Variants in ENC1 observed in about 807,000 individuals in gnomAD.
ENC1 encodes the protein ectodermal-neural cortex 1.
Under a neutral mutation model 40.9 loss-of-function variants are expected in ENC1, and 19 were observed. The observed-to-expected ratio is 0.46, with a 90% CI of 0.32 to 0.68. The LOEUF is 0.68. Among genes scored for constraint, ENC1 ranks in the 30% least tolerant of loss-of-function variants. ENC1 has a pLI of 0.03. For synonymous variants in ENC1, 285 were observed against 291.1 expected, an observed-to-expected ratio of 0.98 and a Z score of 0.21; for missense variants, 479 against 737.5, an observed-to-expected ratio of 0.65 and a Z score of 4.06.
chr5:74,634,974 A>G lies in ENC1; in HGVS notation c.1512T>C (p.Ser504=), dbSNP rs1287390191. 1 of 1,614,166 alleles carries G rather than the reference A, an allele frequency of 6.2e-7. No homozygotes were observed. The highest frequency in any genetic ancestry group is 1.1e-5 in the South Asian group (1 of 91,086). The change falls in exon 2 of 3, where the codon TCT becomes TCC. Residue 504 remains serine (S), a synonymous_variant. Coordinates refer to ENST00000302351, the MANE Select transcript of ENC1 (RefSeq NM_003633.4). ...IFIMGGDTEF[S]ACSAYKFNSE... is the part of the protein sequence containing the mutation. The stretch of plus-strand genomic sequence containing the variant: ...TGTTGAATTTATAAGCAGAGCAGGC[A>G]GAGAATTCTGTATCACCCCCCATAA...
intron 1 of ENC1, among the ~76,000 whole-genome samples, chr5:74,639,754 T>C (rs1265663063): frequency 6.6e-6 from 1 of 152,146 alleles, no homozygotes; most frequent in Admixed American, 6.5e-5. Flanking sequence ...CCAATTCCTA[T>C]CCTTTGTAAC....
chr5:74,638,366 G>A (rs547058242), intron 1 of ENC1, among the ~76,000 whole-genome samples: 63 of 152,282 alleles, frequency 4.1e-4, no homozygotes, highest in African/African-American at 1.5e-3. Flanking sequence ...ATACCATTAG[G>A]TGATGCAACT....
intron 2 of ENC1, among the ~76,000 whole-genome samples, chr5:74,631,181 C>T (rs1213962263): frequency 3.3e-5 from 5 of 150,120 alleles, no homozygotes; most frequent in Non-Finnish European, 7.4e-5. Context: ...AAAAAGGACA[C>T]ACAACAACAA....
chr5:74,637,937 CAT>C (rs1437612824), intron 1 of ENC1, among the ~76,000 whole-genome samples: 1 of 152,170 alleles, frequency 6.6e-6, no homozygotes, highest in Admixed American at 6.5e-5. Context: ...AGGGTAGAGA[CAT>C]AGGAAATGCT....
chr5:74,639,629 T>C (rs1050443782), intron 1 of ENC1, among the ~76,000 whole-genome samples: 6 of 152,352 alleles, frequency 3.9e-5, no homozygotes, highest in African/African-American at 1.4e-4. Flanking sequence ...TTAACAAAAG[T>C]AGCTTCTTGC....
intron 2 of ENC1, among the ~76,000 whole-genome samples, chr5:74,633,530 A>G (rs1747463118): frequency 6.6e-6 from 1 of 152,262 alleles, no homozygotes; most frequent in Non-Finnish European, 1.5e-5. Flanking sequence ...AACGCCTTAA[A>G]GGGGGCTACT....
Position 74,636,709 on chromosome 5 carries a change from T to G in ENC1, c.-13-211A>C, listed in dbSNP as rs379146. Among the ~76,000 whole-genome samples, 65,269 of 151,192 alleles carry G rather than the reference T, an allele frequency of 0.43. 14,814 individuals are homozygous for G. The highest frequency in any genetic ancestry group is 0.51 in the Non-Finnish European group (34,768 of 67,916). On this transcript the variant is annotated intron_variant, in intron 1 of 2. Transcript: ENST00000302351. The surrounding 1 kb of genome is among the most constrained non-coding windows in gnomAD (Gnocchi z 4.8). The stretch of plus-strand genomic sequence containing the variant: ...TTCACTGCTAATACTGTTGAGCTAT[T>G]TGAACTCTGCACTGTTTAAAAAAAA...
rs773591897 is a variant in ENC1, at chr5:74,635,752, T to C, written c.734A>G (p.Tyr245Cys). The C allele has an allele frequency of 1.9e-6, 3 of 1,614,130 alleles. No individual in the cohort carries two copies. Among genetic ancestry groups the C allele is most frequent in the Admixed American group, 1.7e-5 (1 of 60,024 alleles). ...CTCCATGGCCACATTCTCCATGAGA[T>C]AGATGGCTGGCAGAAGTGCCAGCCT... is the stretch of plus-strand genomic sequence containing the variant. ...TVRLALLPAI[Y>C]LMENVAMEEL... The change falls in exon 2 of 3, where the codon TAT becomes TGT. Residue 245 changes from tyrosine to cysteine, a missense_variant. Transcript: ENST00000302351. This position sits in a 1 kb window ranked among gnomAD's most constrained non-coding sequence, Gnocchi z 5.5.
chr5:74,638,510 C>A (rs1278199916), intron 1 of ENC1, among the ~76,000 whole-genome samples: 1 of 152,124 alleles, frequency 6.6e-6, no homozygotes, highest in Non-Finnish European at 1.5e-5. Flanking sequence ...TCCACAGTGA[C>A]TTGAGATATA....
chr5:74,630,269 C>T (rs1747349080), intron 2 of ENC1, among the ~76,000 whole-genome samples: 1 of 152,184 alleles, frequency 6.6e-6, no homozygotes, highest in South Asian at 2.1e-4. Flanking sequence ...GAAGGACCTT[C>T]ACTTCTTTCC....
chr5:74,631,396 T>TA (rs1483878000), intron 2 of ENC1, among the ~76,000 whole-genome samples: 1 of 152,232 alleles, frequency 6.6e-6, no homozygotes, highest in Non-Finnish European at 1.5e-5. Flanking sequence ...AACACTCTAT[T>TA]AATTCCGTTA....
At chr5:74,637,527 T>A (rs1383266914) in intron 1 of ENC1, 1 of 152,196 alleles carries the variant, frequency 6.6e-6, no homozygotes, top group Non-Finnish European at 1.5e-5. Flanking sequence ...AATGTGAGGA[T>A]TTGGCACATA....
intron 2 of ENC1, among the ~76,000 whole-genome samples, chr5:74,633,209 G>C (rs1211745567): frequency 6.6e-6 from 1 of 152,144 alleles, no homozygotes; most frequent in Non-Finnish European, 1.5e-5. Flanking sequence ...GCGATTCCTG[G>C]GGCCAATCCT....
intron 1 of ENC1, among the ~76,000 whole-genome samples, chr5:74,639,833 A>T (rs1015302384): frequency 2.6e-5 from 4 of 152,228 alleles, no homozygotes; most frequent in Non-Finnish European, 2.9e-5. Flanking sequence ...TTCTCTATAG[A>T]CATTTCCGCC....
chr5:74,630,162 G>A (rs765724715), intron 2 of ENC1, among the ~76,000 whole-genome samples, 170 bp from the exon 3 acceptor site: 1 of 152,182 alleles, frequency 6.6e-6, no homozygotes, highest in Admixed American at 6.5e-5. Context: ...AGTAGGAACT[G>A]TGCAAAGATA....
intron 2 of ENC1, among the ~76,000 whole-genome samples, chr5:74,633,894 C>T (rs918646698): frequency 2.0e-5 from 3 of 152,124 alleles, no homozygotes; most frequent in African/African-American, 4.8e-5. Context: ...TAATTCCCCA[C>T]GGGGTTGTTG....
At chr5:74,634,257 C>CA (rs1313660045) in intron 2 of ENC1, among the ~76,000 whole-genome samples, 1 of 151,994 alleles carries the variant, frequency 6.6e-6, no homozygotes, top group Admixed American at 6.6e-5. Context: ...ACTAAAAATA[C>CA]AAAAAATTAG....
intron 1 of ENC1, among the ~76,000 whole-genome samples, chr5:74,639,023 CTG>C (rs1453580016): frequency 3.3e-5 from 5 of 152,250 alleles, no homozygotes; most frequent in Admixed American, 3.3e-4. Flanking sequence ...TCTCCGCATC[CTG>C]TGTTTATGCT....
chr5:74,633,889 C>T (rs1422693919), intron 2 of ENC1, among the ~76,000 whole-genome samples: 1 of 152,158 alleles, frequency 6.6e-6, no homozygotes, highest in Non-Finnish European at 1.5e-5. Context: ...AGTAATAATT[C>T]CCCACGGGGT....
Sources: gnomAD v4.1 joint callset for allele counts (sites outside exome capture counted in the v4.1 genomes callset) on GRCh38, gnomAD v4.1.1 for gene constraint, Gnocchi (gnomAD v3.1) non-coding constraint, MANE v1.5 for transcripts, NCBI Gene and HGNC (gene_info 2026-07-23, HGNC 2026-07-21) for gene names.